The following CTIF variants were observed in gnomAD, a reference collection of about 807,000 sequenced individuals.
CTIF encodes the protein cap binding complex dependent translation initiation factor.
Under a neutral mutation model 66.0 loss-of-function variants are expected in CTIF, and 21 were observed. That is an observed-to-expected ratio of 0.32 (90% CI 0.23 to 0.46). The LOEUF is 0.46. Ranked by LOEUF, CTIF falls within the 20% of genes least tolerant of loss-of-function variation. The probability of loss-of-function intolerance (pLI) is 1.00; values close to 1 mark genes in which losing one functional copy is unlikely to be tolerated. For missense variants in CTIF, 739 were observed against 812.7 expected, an observed-to-expected ratio of 0.91 and a Z score of 1.10; for synonymous variants, 345 against 326.4, an observed-to-expected ratio of 1.06 and a Z score of -0.62.
At chr18:48,814,319 C>T (rs2337110) in intron 9 of CTIF, among the ~76,000 whole-genome samples, 34,097 of 152,010 alleles carry the variant, frequency 0.22, 4,812 homozygotes, top group African/African-American at 0.4. Flanking sequence ...TGGGGAGCTG[C>T]CAAAAATTAC....
chr18:48,797,494 G>GC (rs200471244), intron 9 of CTIF, among the ~76,000 whole-genome samples: 1 of 142,418 alleles, frequency 7.0e-6, no homozygotes. Context: ...AAAAGAAAAG[G>GC]GGTGGGGGGG....
intron 2 of CTIF, among the ~76,000 whole-genome samples, chr18:48,631,841 A>G (rs926352788): frequency 6.6e-6 from 1 of 152,178 alleles, no homozygotes; most frequent in Non-Finnish European, 1.5e-5. Context: ...TTAAAGGTTC[A>G]GGAGGCTCAA....
At chr18:48,673,065 G>A (rs2091562464) in intron 6 of CTIF, among the ~76,000 whole-genome samples, 1 of 152,200 alleles carries the variant, frequency 6.6e-6, no homozygotes, top group East Asian at 1.9e-4. Context: ...TGCACAGGAT[G>A]GAGTCCAGCA....
At chr18:48,770,308 G>A (rs1399585968) in intron 9 of CTIF, among the ~76,000 whole-genome samples, 2 of 152,144 alleles carry the variant, frequency 1.3e-5, no homozygotes, top group Non-Finnish European at 2.9e-5. Flanking sequence ...CTGCCTCTTT[G>A]CCACTGCGCC....
At chr18:48,725,762 C>T (rs548392373) in intron 7 of CTIF, among the ~76,000 whole-genome samples, 2 of 152,112 alleles carry the variant, frequency 1.3e-5, no homozygotes, top group Non-Finnish European at 2.9e-5. Flanking sequence ...GAAGCTCCCA[C>T]GTGTGGGAGG....
chr18:48,844,821 G>A (rs1229667412), intron 10 of CTIF, among the ~76,000 whole-genome samples: 1 of 152,036 alleles, frequency 6.6e-6, no homozygotes, highest in Non-Finnish European at 1.5e-5. Flanking sequence ...GCCAGGCTAG[G>A]CAACATTAGC....
intron 2 of CTIF, among the ~76,000 whole-genome samples, chr18:48,626,662 T>TTTG (rs1555657881): frequency 6.8e-5 from 10 of 147,334 alleles, no homozygotes; most frequent in Non-Finnish European, 1.2e-4. Flanking sequence ...TTTTGTTTTT[T>TTTG]TTTTTTTTTT....
rs897122057 is a variant in CTIF, at chr18:48,761,526, C to A, written c.1208C>A (p.Ser403Tyr). The A allele has an allele frequency of 6.2e-7, 1 of 1,614,098 alleles. No homozygotes were observed. The highest frequency in any genetic ancestry group is 1.3e-5 in the African/African-American group (1 of 74,942). The change falls in exon 9 of 12, where the codon TCC (serine) becomes TAC (tyrosine). Residue 403 changes from serine to tyrosine, a missense_variant. This residue lies in a region of CTIF where 210 missense variants were observed against 292.3 expected (regional missense o/e 0.72). Transcript: ENST00000256413. The surrounding 1 kb of genome is among the most constrained non-coding windows in gnomAD (Gnocchi z 4.2). ...ACCTTCATGGAGGAGGCCCAGAACTCCACCAACTCCGAGGAGATGCTGGGC... is the reference window on the plus strand; with the variant it reads ...ACCTTCATGGAGGAGGCCCAGAACTACACCAACTCCGAGGAGATGCTGGGC... ...LTTFMEEAQN[S>Y]TNSEEMLGEI...
intron 1 of CTIF, among the ~76,000 whole-genome samples, chr18:48,615,044 G>A (rs977555116): frequency 3.3e-5 from 5 of 152,106 alleles, no homozygotes; most frequent in South Asian, 2.1e-4. Flanking sequence ...GAGCATGTGC[G>A]ACCATGCTCA....
chr18:48,642,041 G>C (rs1263735674), intron 3 of CTIF, among the ~76,000 whole-genome samples: 3 of 152,240 alleles, frequency 2.0e-5, no homozygotes, highest in Non-Finnish European at 4.4e-5. Context: ...TAGTGCAAAT[G>C]ATATCTTAGT....
intron 9 of CTIF, among the ~76,000 whole-genome samples, chr18:48,788,132 C>T (rs1450001046): frequency 6.6e-6 from 1 of 152,172 alleles, no homozygotes; most frequent in Non-Finnish European, 1.5e-5. Flanking sequence ...GGATGGCCGA[C>T]CCTCTCTAGC....
chr18:48,553,975 C>T (rs2088956560), intron 1 of CTIF, among the ~76,000 whole-genome samples: 1 of 152,132 alleles, frequency 6.6e-6, no homozygotes, highest in Non-Finnish European at 1.5e-5. Context: ...CTGCGGCCCA[C>T]TCATGACCTC....
chr18:48,637,891 C>T (rs2090853240), intron 3 of CTIF, among the ~76,000 whole-genome samples: 1 of 152,112 alleles, frequency 6.6e-6, no homozygotes, highest in Admixed American at 6.6e-5. Context: ...TCTCAGCTTC[C>T]TCACATAAAA....
chr18:48,751,067 C>T (rs918298864), intron 7 of CTIF, among the ~76,000 whole-genome samples: 8 of 152,176 alleles, frequency 5.3e-5, no homozygotes, highest in South Asian at 2.1e-4. Context: ...TGGGGTTGAA[C>T]GAAAGCCATG....
intron 2 of CTIF, among the ~76,000 whole-genome samples, chr18:48,620,407 A>C (rs1346960670): frequency 6.6e-6 from 1 of 152,226 alleles, no homozygotes; most frequent in South Asian, 2.1e-4. Flanking sequence ...GTATGAATGC[A>C]TTAAGGATAG....
At chr18:48,850,039 C>G (rs2069166876) in intron 10 of CTIF, among the ~76,000 whole-genome samples, 1 of 152,226 alleles carries the variant, frequency 6.6e-6, no homozygotes, top group Admixed American at 6.5e-5. Flanking sequence ...TTCCCAGTTC[C>G]TGGCACCCAC....
chr18:48,794,257 C>G (rs964268071), intron 9 of CTIF, among the ~76,000 whole-genome samples: 3 of 152,216 alleles, frequency 2.0e-5, no homozygotes, highest in African/African-American at 7.2e-5. Context: ...ATGTATTCCT[C>G]CCAGCTCAGT....
intron 1 of CTIF, among the ~76,000 whole-genome samples, chr18:48,587,381 C>G (rs1216543979): frequency 3.3e-5 from 5 of 152,078 alleles, no homozygotes; most frequent in Non-Finnish European, 7.4e-5. Context: ...CGCCTGGCTG[C>G]CACTTTTAAA....
At chr18:48,578,778 C>G (rs935043355) in intron 1 of CTIF, among the ~76,000 whole-genome samples, 1 of 152,152 alleles carries the variant, frequency 6.6e-6, no homozygotes, top group African/African-American at 2.4e-5. Flanking sequence ...ATATTTTCTC[C>G]CATTCCGTGC....
Sources: allele counts gnomAD v4.1 joint callset (sites outside exome capture counted in the v4.1 genomes callset), GRCh38; gene constraint gnomAD v4.1.1; regional missense constraint gnomAD v4.1.1; non-coding constraint Gnocchi (gnomAD v3.1); transcripts MANE v1.5; gene names NCBI Gene and HGNC (gene_info 2026-07-23, HGNC 2026-07-21).